Variants in ATRN observed in about 807,000 individuals in gnomAD.
ATRN encodes attractin-2.
Under a neutral mutation model 178.7 loss-of-function variants are expected in ATRN, and 54 were observed. The observed-to-expected ratio is 0.30, with a 90% CI of 0.24 to 0.38. ATRN has a LOEUF of 0.38. Ranked by LOEUF, ATRN falls within the 10% of genes least tolerant of loss-of-function variation. The pLI, the probability that ATRN is intolerant of heterozygous loss-of-function variation, is 1.00. For missense variants in ATRN, 1,443 were observed against 1,815.1 expected (o/e 0.79, Z 3.73); for synonymous variants, 636 against 663.0 (o/e 0.96, Z 0.63).
chr20:3,575,768 G>C (rs2086199726), intron 12 of ATRN, 59 bp from the exon 13 acceptor site: 1 of 1,512,792 alleles, frequency 6.6e-7, no homozygotes, highest in African/African-American at 1.4e-5. Flanking sequence ...TTTAACTTCG[G>C]TCTCAGATTT....
chr20:3,517,119 AT>A (rs2085216137), intron 1 of ATRN, among the ~76,000 whole-genome samples: 1 of 152,126 alleles, frequency 6.6e-6, no homozygotes, highest in South Asian at 2.1e-4. Flanking sequence ...AAGCGTTCCT[AT>A]TTCTCCATGT....
At position 3,591,160 on chromosome 20, in the gene ATRN, T is replaced by C. The variant is rs1346365976; in HGVS notation, c.3185-9T>C. On this transcript the variant is annotated splice_polypyrimidine_tract_variant and intron_variant, in intron 18 of 28. Transcript: ENST00000262919. ...TGGTACAGACCCCTTGAAACTCTTTTTCTTGCAGCTTGCCAATGCAACGGC... is the reference window on the plus strand; with the variant it reads ...TGGTACAGACCCCTTGAAACTCTTTCTCTTGCAGCTTGCCAATGCAACGGC... 1.9e-6 allele frequency: 3 copies of C among 1,613,630 alleles called. No homozygotes were observed. The highest frequency in any genetic ancestry group is 2.5e-6 in the Non-Finnish European group (3 of 1,179,718).
At chr20:3,641,590 C>CAAAAAA (rs61692220) in intron 27 of ATRN, among the ~76,000 whole-genome samples, 49 of 47,788 alleles carry the variant, frequency 1.0e-3, no homozygotes, top group African/African-American at 2.7e-3. Context: ...GACTCTGTCG[C>CAAAAAA]AAAAAAAAAA....
chr20:3,578,836 CA>C, intron 15 of ATRN, 64 bp downstream of exon 15: 1 of 1,464,752 alleles, frequency 6.8e-7, no homozygotes, highest in Non-Finnish European at 9.3e-7. Context: ...GGCATGACTG[CA>C]GCTTGCATGT....
intron 20 of ATRN, 120 bp from the exon 21 acceptor site, chr20:3,596,257 G>T: frequency 9.9e-7 from 1 of 1,012,876 alleles, no homozygotes. Flanking sequence ...TTATGGTGAA[G>T]GATGCAATTA....
chr20:3,490,020 C>CTGA, intron 1 of ATRN: 1 of 1,017,020 alleles, frequency 9.8e-7, no homozygotes, highest in East Asian at 2.4e-5. Flanking sequence ...TTGCTGTTCC[C>CTGA]TGAGAGTCAG....
chr20:3,557,879 A>T (rs1239914013), intron 6 of ATRN, among the ~76,000 whole-genome samples: 5 of 152,252 alleles, frequency 3.3e-5, no homozygotes, highest in African/African-American at 1.2e-4. Context: ...AGAGTGCAAT[A>T]TTCCAAAAAT....
chr20:3,607,082 C>A (rs933906349), intron 24 of ATRN, among the ~76,000 whole-genome samples: 1 of 151,858 alleles, frequency 6.6e-6, no homozygotes, highest in African/African-American at 2.4e-5. Context: ...GTTTTTATAT[C>A]ATGTTTTTAA....
chr20:3,588,537 TG>T (rs1034139417), intron 18 of ATRN, among the ~76,000 whole-genome samples: 6 of 152,238 alleles, frequency 3.9e-5, no homozygotes, highest in Non-Finnish European at 8.8e-5. Context: ...TTAGTCATGA[TG>T]TATACTTTTT....
intron 1 of ATRN, among the ~76,000 whole-genome samples, chr20:3,507,694 A>ATTTTTT (rs55823401): frequency 1.7e-5 from 2 of 114,708 alleles, no homozygotes; most frequent in Admixed American, 9.5e-5. Flanking sequence ...AGTTAAAAAT[A>ATTTTTT]TTTTTTTTTT....
intron 25 of ATRN, among the ~76,000 whole-genome samples, 174 bp from the exon 26 acceptor site, chr20:3,634,137 G>A (rs574475294): frequency 2.0e-5 from 3 of 152,264 alleles, no homozygotes; most frequent in Non-Finnish European, 4.4e-5. Flanking sequence ...CTGGCTTACC[G>A]AAGTTGTCTC....
At chr20:3,568,953 G>A (rs144715030) in intron 11 of ATRN, among the ~76,000 whole-genome samples, 1 of 152,076 alleles carries the variant, frequency 6.6e-6, no homozygotes, top group Admixed American at 6.6e-5. Flanking sequence ...CATCATGGAA[G>A]GGACACTTGT....
intron 14 of ATRN, among the ~76,000 whole-genome samples, 179 bp downstream of exon 14, chr20:3,577,176 G>A (rs1365901267): frequency 6.6e-6 from 1 of 152,098 alleles, no homozygotes; most frequent in African/African-American, 2.4e-5. Context: ...TTAAGTATTT[G>A]TTCCTACTGT....
At chr20:3,627,475 G>T (rs1402860985) in intron 25 of ATRN, among the ~76,000 whole-genome samples, 1 of 152,162 alleles carries the variant, frequency 6.6e-6, no homozygotes, top group Admixed American at 6.5e-5. Flanking sequence ...AAAAATTAAT[G>T]ATCTAAGGGA....
intron 24 of ATRN, 35 bp downstream of exon 24, chr20:3,604,297 G>T (rs755670618): frequency 1.5e-5 from 23 of 1,555,114 alleles, no homozygotes; most frequent in Middle Eastern, 3.7e-4. Flanking sequence ...ACCTGCAAAG[G>T]TGGTGAAATC....
rs1568746227 is a variant in ATRN at position 3,584,871 on chromosome 20, C to G, written c.3175C>G (p.His1059Asp). The G allele has an allele frequency of 1.1e-5, 18 of 1,613,938 alleles. No homozygotes were observed. The highest frequency in any genetic ancestry group is 1.4e-5 in the Non-Finnish European group (17 of 1,179,810). Residue 1059 changes from histidine to aspartate, a missense_variant, in exon 18 of 29, where the codon CAC (histidine) becomes GAC (aspartate). By Grantham distance (81) the His-to-Asp change is moderately conservative. Transcript: ENST00000262919. ...CAGCAGATACAACTGGTCTTTCATT[C>G]ACTGTCCAGGTAAGATGCCTTGCAT... ...EDSRYNWSFIHCPACQCNGHS... is the reference protein window; with the variant it reads ...EDSRYNWSFIDCPACQCNGHS...
chr20:3,615,902 G>A (rs989383637), intron 24 of ATRN: 70 of 444,888 alleles, frequency 1.6e-4, no homozygotes, highest in Middle Eastern at 5.8e-4. Context: ...GTGGGGTGGG[G>A]GGAAGGGGAA....
intron 1 of ATRN, among the ~76,000 whole-genome samples, chr20:3,478,611 C>T (rs1035050833): frequency 2.6e-5 from 4 of 152,084 alleles, no homozygotes; most frequent in African/African-American, 9.7e-5. Flanking sequence ...GTGCAGTAAA[C>T]CACTGTGGCA....
In ATRN at chr20:3,471,043, G is replaced by A. The variant is rs913503062; in HGVS notation, c.-65G>A. 7.7e-6 allele frequency: 11 copies of A among 1,429,884 alleles called. No individual in the cohort carries two copies. The highest frequency in any genetic ancestry group is 2.5e-4 in the Middle Eastern group (1 of 4,060). The allele number at this position is 1,429,884 out of a possible 1,614,324, so 88.6% of individuals were successfully genotyped here. On this transcript the variant is annotated 5_prime_UTR_variant, in exon 1 of 29. Transcript: ENST00000262919. ...ACAGCCCCGCCCCGCACGGCCAGGCGAAGCGGAGCCGGCCGTGCGGTGTGT... is the reference window on the plus strand; with the variant it reads ...ACAGCCCCGCCCCGCACGGCCAGGCAAAGCGGAGCCGGCCGTGCGGTGTGT...
Sources: allele counts gnomAD v4.1 joint callset (sites outside exome capture counted in the v4.1 genomes callset), GRCh38; gene constraint gnomAD v4.1.1; transcripts MANE v1.5; gene names NCBI Gene and HGNC (gene_info 2026-07-23, HGNC 2026-07-21).